KCNK10: variants seen among roughly 807,000 people sequenced by gnomAD.
The protein encoded by KCNK10 is potassium channel subfamily K member 10.
A neutral mutation model predicts 47.7 loss-of-function variants in KCNK10; 25 were observed. That is an observed-to-expected ratio of 0.52 (90% confidence interval 0.38 to 0.73). The LOEUF is 0.73. KCNK10 is among the 30% of genes least tolerant of loss of function. The pLI, the probability that KCNK10 is intolerant of heterozygous loss-of-function variation, is 0.00. For missense variants in KCNK10, 563 were observed against 714.5 expected (o/e 0.79, Z 2.42); for synonymous variants, 303 against 285.6 (o/e 1.06, Z -0.61).
chr14:88,267,692 T>C (rs934345205), intron 1 of KCNK10, among the ~76,000 whole-genome samples: 4 of 152,192 alleles, frequency 2.6e-5, no homozygotes, highest in Admixed American at 2.6e-4. Flanking sequence ...AATTTTTAAA[T>C]GGCATTTTCA....
At position 88,197,067 on chromosome 14, in the gene KCNK10, C is replaced by T. The variant is rs146037202; in HGVS notation, c.682-4657G>A. ...TACTGAAAAAGTCCCACTCAAAAGC[C>T]GAATACACAAATGGATCATATATAC... On this transcript the variant is annotated intron_variant, in intron 4 of 6. Transcript: ENST00000319231. Among the ~76,000 whole-genome samples the T allele has an allele frequency of 2.9e-3, 434 of 152,140 alleles. 2 individuals carry two copies. Among genetic ancestry groups the T allele is most frequent in the African/African-American group, 0.01 (422 of 41,496 alleles).
Position 88,192,400 on chromosome 14 carries a change from A to C in KCNK10, c.692T>G (p.Val231Gly). ...GATGACCCGGATCTTGGTCTGACTCACTTGCTTTTTCTAGGAAGAGCAAAG... is the reference window on the plus strand; with the variant it reads ...GATGACCCGGATCTTGGTCTGACTCCCTTGCTTTTTCTAGGAAGAGCAAAG... ...RVEKVFRKKQ[V>G]SQTKIRVIST... is the part of the protein sequence containing the mutation. Residue 231 changes from valine (V) to glycine (G), a missense_variant, in exon 5 of 7, where the codon GTG (valine) becomes GGG (glycine). Transcript: ENST00000319231. 1 of 1,613,716 alleles carries C rather than the reference A, an allele frequency of 6.2e-7. No homozygotes were observed. The highest frequency in any genetic ancestry group is 8.5e-7 in the Non-Finnish European group (1 of 1,179,854).
intron 4 of KCNK10, among the ~76,000 whole-genome samples, chr14:88,208,552 G>A (rs114026109): frequency 4.1e-4 from 63 of 152,276 alleles, no homozygotes; most frequent in African/African-American, 1.5e-3. Flanking sequence ...AAAGAAAGTG[G>A]TAATAACATT....
intron 1 of KCNK10, among the ~76,000 whole-genome samples, chr14:88,315,357 T>C (rs1888408994): frequency 6.6e-6 from 1 of 152,222 alleles, no homozygotes; most frequent in Non-Finnish European, 1.5e-5. Context: ...TATAAATTAA[T>C]AAATAGACTT....
At chr14:88,212,737 T>C (rs1172638510) in intron 4 of KCNK10, among the ~76,000 whole-genome samples, 1 of 152,174 alleles carries the variant, frequency 6.6e-6, no homozygotes, top group African/African-American at 2.4e-5. Flanking sequence ...CAAGACATAG[T>C]GCAAAACCAT....
chr14:88,324,738 C>G (rs893023999), upstream of KCNK10, among the ~76,000 whole-genome samples: 1 of 152,176 alleles, frequency 6.6e-6, no homozygotes, highest in African/African-American at 2.4e-5. Context: ...CAGCTGATCT[C>G]TAAGTTGCAT....
chr14:88,312,330 A>G (rs1040074049), intron 1 of KCNK10, among the ~76,000 whole-genome samples: 8 of 152,170 alleles, frequency 5.3e-5, no homozygotes, highest in African/African-American at 1.9e-4. Context: ...AAAAATGTTT[A>G]CTCAAAATAT....
chr14:88,269,823 C>A (rs1887359486), intron 1 of KCNK10, among the ~76,000 whole-genome samples: 1 of 152,100 alleles, frequency 6.6e-6, no homozygotes, highest in Admixed American at 6.6e-5. Flanking sequence ...AAACTACGGG[C>A]CAGAGAGGGG....
intron 1 of KCNK10, among the ~76,000 whole-genome samples, chr14:88,312,396 C>A (rs1455433808): frequency 6.6e-6 from 1 of 152,180 alleles, no homozygotes; most frequent in African/African-American, 2.4e-5. Context: ...GTGTGTTTGC[C>A]GTCACCCCCA....
chr14:88,187,635 AC>A (rs1474095129), intron 6 of KCNK10, among the ~76,000 whole-genome samples: 7 of 127,828 alleles, frequency 5.5e-5, no homozygotes, highest in Non-Finnish European at 7.7e-5. Flanking sequence ...ACCCCCCCAC[AC>A]ACACACTCAG....
chr14:88,277,022 AT>A, intron 1 of KCNK10, among the ~76,000 whole-genome samples: 1 of 152,348 alleles, frequency 6.6e-6, no homozygotes, highest in Non-Finnish European at 1.5e-5. Flanking sequence ...TCATATGTAT[AT>A]TTTTAAACCA....
At chr14:88,317,838 T>C (rs1478036014) in intron 1 of KCNK10, among the ~76,000 whole-genome samples, 1 of 152,178 alleles carries the variant, frequency 6.6e-6, no homozygotes, top group African/African-American at 2.4e-5. Flanking sequence ...GAATTTTGCA[T>C]TAAAGTGTGC....
At chr14:88,205,171 C>T (rs561986992) in intron 4 of KCNK10, among the ~76,000 whole-genome samples, 42 of 152,356 alleles carry the variant, frequency 2.8e-4, no homozygotes, top group African/African-American at 8.4e-4. Flanking sequence ...GCTTCTTCCA[C>T]GCAGCAATAT....
intron 2 of KCNK10, among the ~76,000 whole-genome samples, chr14:88,252,627 A>T (rs1206922215): frequency 6.6e-6 from 1 of 152,170 alleles, no homozygotes; most frequent in Admixed American, 6.5e-5. Flanking sequence ...AAAGGTTCAT[A>T]CCCAGGACCA....
chr14:88,257,307 G>C (rs17124382), intron 2 of KCNK10, among the ~76,000 whole-genome samples: 2,082 of 151,986 alleles, frequency 0.014, 20 homozygotes, highest in Non-Finnish European at 0.022. Flanking sequence ...CAACATAAAG[G>C]TCCTCTAAGC....
Position 88,316,983 on chromosome 14 carries a change from T to C in KCNK10, c.52+5764A>G, listed in dbSNP as rs1888441098. ...AGCCAAAGTACAGATGTTTTGGAAATGGTGTGGAACAGCAAAGTCAACCTG... is the reference window on the plus strand; with the variant it reads ...AGCCAAAGTACAGATGTTTTGGAAACGGTGTGGAACAGCAAAGTCAACCTG... On this transcript the variant is annotated intron_variant, in intron 1 of 6. Coordinates refer to ENST00000319231, the MANE Select transcript of KCNK10 (RefSeq NM_138317.3). Among the ~76,000 whole-genome samples the C allele has an allele frequency of 3.9e-5, 6 of 152,154 alleles. No individual in the cohort carries two copies. The South Asian group carries it at 1.0e-3, about 26-fold the overall frequency.
At chr14:88,191,013 G>A (rs960426960) in intron 5 of KCNK10, among the ~76,000 whole-genome samples, 2 of 152,044 alleles carry the variant, frequency 1.3e-5, no homozygotes, top group African/African-American at 2.4e-5. Context: ...TTGGCAGGCC[G>A]ATCACATGAG....
intron 5 of KCNK10, 86 bp from the exon 6 acceptor site, chr14:88,188,195 G>A (rs1403216710): frequency 1.8e-5 from 26 of 1,449,300 alleles, no homozygotes; most frequent in African/African-American, 4.2e-5. Context: ...TAGTGAAGAC[G>A]TCATCCATCA....
chr14:88,197,115 C>T (rs1044581509), intron 4 of KCNK10, among the ~76,000 whole-genome samples: 2 of 152,104 alleles, frequency 1.3e-5, no homozygotes, highest in Non-Finnish European at 2.9e-5. Context: ...AAGTTTATAT[C>T]CAGCTTCTGA....
Sources: allele counts gnomAD v4.1 joint callset (sites outside exome capture counted in the v4.1 genomes callset), GRCh38; gene constraint gnomAD v4.1.1; transcripts MANE v1.5; gene names NCBI Gene and HGNC (gene_info 2026-07-23, HGNC 2026-07-21).